The following TSPAN2 variants were observed in gnomAD, a reference collection of about 807,000 sequenced individuals.
The protein encoded by TSPAN2 is tetraspanin-2.
TSPAN2 carries 24 observed loss-of-function variants against 33.3 expected under a neutral mutation model. The ratio of observed to expected loss-of-function variants is 0.72; its 90% CI spans 0.52 to 1.01. TSPAN2 has a LOEUF of 1.01. TSPAN2 is among the 50% of genes least tolerant of loss of function. TSPAN2 has a pLI of 0.00. For missense variants in TSPAN2, 278 were observed against 281.3 expected (o/e 0.99, Z 0.08); for synonymous variants, 114 against 104.5 (o/e 1.09, Z -0.56).
At chr1:115,075,923 G>C (rs1225531622) in intron 1 of TSPAN2, among the ~76,000 whole-genome samples, 1 of 151,484 alleles carries the variant, frequency 6.6e-6, no homozygotes, top group African/African-American at 2.4e-5. Flanking sequence ...TTTCTTCCTT[G>C]CATGTTTATT....
At chr1:115,054,701 C>T (rs1309939277) in intron 6 of TSPAN2, among the ~76,000 whole-genome samples, 1 of 152,098 alleles carries the variant, frequency 6.6e-6, no homozygotes, top group Non-Finnish European at 1.5e-5. Context: ...GAAAGTTAAC[C>T]TCATGGCTGG....
intron 6 of TSPAN2, among the ~76,000 whole-genome samples, chr1:115,056,860 A>G (rs760356779): frequency 1.2e-4 from 18 of 152,042 alleles, no homozygotes; most frequent in Non-Finnish European, 2.4e-4. Flanking sequence ...CAACAGCAGC[A>G]CCTGGGCCTG....
chr1:115,067,204 T>G (rs1647984331), intron 2 of TSPAN2, among the ~76,000 whole-genome samples: 1 of 152,264 alleles, frequency 6.6e-6, no homozygotes, highest in Non-Finnish European at 1.5e-5. Flanking sequence ...GTTTTAGCAG[T>G]AACTGTGAAG....
At chr1:115,085,583 T>C (rs964548134) in intron 1 of TSPAN2, among the ~76,000 whole-genome samples, 4 of 152,200 alleles carry the variant, frequency 2.6e-5, no homozygotes, top group African/African-American at 7.2e-5. Flanking sequence ...TGTAAATTTA[T>C]ACTTCAGTCA....
At chr1:115,062,873 G>A (rs1235524822) in intron 2 of TSPAN2, among the ~76,000 whole-genome samples, 2 of 152,164 alleles carry the variant, frequency 1.3e-5, no homozygotes, top group Non-Finnish European at 1.5e-5. Flanking sequence ...GGTGGTTTGC[G>A]GGCAGATCTG....
At chr1:115,077,332 TAAA>T (rs56178923) in intron 1 of TSPAN2, among the ~76,000 whole-genome samples, 8 of 148,908 alleles carry the variant, frequency 5.4e-5, no homozygotes, top group South Asian at 2.1e-4. Context: ...GAAAAATACT[TAAA>T]AAAAAAAAAA....
At chr1:115,070,464 C>T (rs894963929) in intron 2 of TSPAN2, among the ~76,000 whole-genome samples, 1 of 151,528 alleles carries the variant, frequency 6.6e-6, no homozygotes, top group Non-Finnish European at 1.5e-5. Flanking sequence ...CATACCCTAC[C>T]CCCGGCCCCA....
chr1:115,083,579 G>A (rs1346711451), intron 1 of TSPAN2, among the ~76,000 whole-genome samples: 7 of 152,116 alleles, frequency 4.6e-5, no homozygotes, highest in African/African-American at 1.2e-4. Context: ...CCAGCAACAC[G>A]AGCATCACCT....
intron 6 of TSPAN2, 64 bp from the exon 7 acceptor site, chr1:115,053,526 C>T: frequency 1.5e-6 from 2 of 1,348,568 alleles, no homozygotes; most frequent in Non-Finnish European, 2.1e-6. Context: ...TATCCTGATC[C>T]TATCCTTTCC....
At position 115,072,886 on chromosome 1, in the gene TSPAN2, G is replaced by A. The variant is rs1213483741; in HGVS notation, c.172+19C>T. 6.3e-7 allele frequency: 1 copy of A among 1,590,620 alleles called. No homozygotes were observed. The highest frequency in any genetic ancestry group is 2.2e-5 in the East Asian group (1 of 44,754). On this transcript the variant is annotated intron_variant, in intron 2 of 7. Transcript: ENST00000369516. The stretch of plus-strand genomic sequence containing the variant: ...CCCATCTACTCTGAGCTGGAGCTTA[G>A]GAAGCTGGAGTCACTCACCCACATA...
intron 1 of TSPAN2, among the ~76,000 whole-genome samples, chr1:115,080,819 G>A (rs1380759427): frequency 6.6e-6 from 1 of 152,190 alleles, no homozygotes; most frequent in African/African-American, 2.4e-5. Flanking sequence ...GGAACATCCA[G>A]CTGGCTCTCA....
At position 115,089,427 on chromosome 1, in the gene TSPAN2, C is replaced by A. The variant is rs766937247; in HGVS notation, c.6G>T (p.Gly2=). The A allele has an allele frequency of 1.7e-5, 26 of 1,572,244 alleles. No homozygotes were observed. Among genetic ancestry groups the A allele is most frequent in the Non-Finnish European group, 2.2e-5 (26 of 1,161,012 alleles). ...TGCACCGCAGGCCCCCGCGGAAGCG[C>A]CCCATGCTGCGGCCCGGCGGCGGGA... The part of the protein sequence containing the change: M[G]RFRGGLRCIK... The change falls in exon 1 of 8, where the codon GGG becomes GGT. Residue 2 remains glycine, a synonymous_variant. Coordinates refer to ENST00000369516, the MANE Select transcript of TSPAN2 (RefSeq NM_005725.6).
intron 1 of TSPAN2, among the ~76,000 whole-genome samples, chr1:115,083,355 C>T (rs893552075): frequency 2.6e-5 from 4 of 152,080 alleles, no homozygotes; most frequent in East Asian, 1.9e-4. Context: ...GGTGGCCTCC[C>T]GGTAATTCCA....
chr1:115,069,383 A>G (rs1469445316), intron 2 of TSPAN2, among the ~76,000 whole-genome samples: 1 of 152,238 alleles, frequency 6.6e-6, no homozygotes, highest in Non-Finnish European at 1.5e-5. Flanking sequence ...CACAATGACA[A>G]GTTCGAGGAT....
At chr1:115,071,143 TCCCCAGGC>T (rs1648157659) in intron 2 of TSPAN2, among the ~76,000 whole-genome samples, 1 of 152,048 alleles carries the variant, frequency 6.6e-6, no homozygotes, top group Non-Finnish European at 1.5e-5. Flanking sequence ...CCCAGGCCCC[TCCCCAGGC>T]CCAGGGGAGG....
chr1:115,058,939 C>T lies in TSPAN2; in HGVS notation c.388G>A (p.Asp130Asn). Residue 130 changes from aspartate (D) to asparagine (N), a missense_variant, in exon 5 of 8, where the codon GAT becomes AAT. Physicochemically the swap from Asp to Asn is conservative, Grantham distance 23. Transcript: ENST00000369516. ...VQTMYEEAYN[D>N]YLKDRGKGNG... is the part of the protein sequence containing the mutation. ...CCTTTTCCCCTGTCTTTAAGGTAAT[C>T]ATTGTAAGCCTCTTCATACATGGTC... 6.2e-7 allele frequency: 1 copy of T among 1,614,098 alleles called. No individual in the cohort carries two copies. Among genetic ancestry groups the T allele is most frequent in the Non-Finnish European group, 8.5e-7 (1 of 1,179,990 alleles).
chr1:115,057,654 C>G, intron 5 of TSPAN2, 46 bp from the exon 6 acceptor site: 1 of 1,591,764 alleles, frequency 6.3e-7, no homozygotes, highest in Non-Finnish European at 8.6e-7. Context: ...GGAGGAGTAG[C>G]AGCTACAAGT....
chr1:115,070,174 T>C (rs1570976517), intron 2 of TSPAN2, among the ~76,000 whole-genome samples: 2 of 152,286 alleles, frequency 1.3e-5, no homozygotes, highest in Middle Eastern at 6.8e-3. Flanking sequence ...CAGAAAGTCA[T>C]GAATTATTAC....
intron 1 of TSPAN2, among the ~76,000 whole-genome samples, chr1:115,079,700 T>C (rs1570983858): frequency 6.6e-6 from 1 of 152,172 alleles, no homozygotes; most frequent in African/African-American, 2.4e-5. Context: ...GAGTGGGAAC[T>C]GAGAGGCAGG....
Sources: gnomAD v4.1 joint callset for allele counts (sites outside exome capture counted in the v4.1 genomes callset) on GRCh38, gnomAD v4.1.1 for gene constraint, MANE v1.5 for transcripts, NCBI Gene and HGNC (gene_info 2026-07-23, HGNC 2026-07-21) for gene names.